The following RBM19 variants were observed in gnomAD, a reference collection of about 807,000 sequenced individuals.
RBM19 encodes probable RNA-binding protein 19.
In RBM19, 94 loss-of-function variants were observed where a neutral mutation model predicts 116.8. The ratio of observed to expected loss-of-function variants is 0.80; its 90% CI spans 0.68 to 0.95. The LOEUF is 0.95. RBM19 is among the 40% of genes least tolerant of loss of function. The pLI is 0.00. For missense variants in RBM19, 1,161 were observed against 1,220.7 expected (o/e 0.95, Z 0.73); for synonymous variants, 475 against 494.1 (o/e 0.96, Z 0.51).
intron 21 of RBM19, among the ~76,000 whole-genome samples, chr12:113,867,880 G>A (rs1311034824): frequency 6.6e-6 from 1 of 152,150 alleles, no homozygotes; most frequent in African/African-American, 2.4e-5. Context: ...AGAGAGCCGA[G>A]ATTGCACCAC....
chr12:113,928,846 A>T (rs1869359389), intron 16 of RBM19, among the ~76,000 whole-genome samples: 1 of 152,106 alleles, frequency 6.6e-6, no homozygotes, highest in South Asian at 2.1e-4. Flanking sequence ...AATTTCCCTA[A>T]GTCACATGAT....
At chr12:113,962,435 T>A in intron 1 of RBM19, 21 bp from the exon 2 acceptor site, 1 of 1,605,350 alleles carries the variant, frequency 6.2e-7, no homozygotes, top group Non-Finnish European at 8.5e-7. Flanking sequence ...GGGAAAGGAA[T>A]GAGAGACGAA....
rs543919031 is a variant in RBM19, at chr12:113,926,176, G to A, written c.2244+878C>T. On this transcript the variant is annotated intron_variant, in intron 17 of 23. Coordinates refer to ENST00000261741, the MANE Select transcript of RBM19 (RefSeq NM_016196.4). The stretch of plus-strand genomic sequence containing the variant: ...GCCTCTCTACCACATCCCAATGTTT[G>A]CCTCCATATCTTCTGCCCACCATAT... Among the ~76,000 whole-genome samples the A allele has an allele frequency of 2.4e-3, 370 of 152,210 alleles. 4 individuals carry two copies. The highest frequency in any genetic ancestry group is 0.02 in the Middle Eastern group (6 of 294).
At chr12:113,868,490 G>T (rs1358337252) in intron 21 of RBM19, among the ~76,000 whole-genome samples, 2 of 152,216 alleles carry the variant, frequency 1.3e-5, no homozygotes, top group Non-Finnish European at 2.9e-5. Flanking sequence ...TCTGGGATTT[G>T]GTAAGTTTGG....
At chr12:113,946,573 C>T in intron 11 of RBM19, 98 bp from the exon 12 acceptor site, 1 of 1,530,878 alleles carries the variant, frequency 6.5e-7, no homozygotes, top group South Asian at 1.2e-5. Flanking sequence ...TAAGCTGGAC[C>T]CAGCACTGAA....
chr12:113,955,103 C>G (rs1199603560), intron 7 of RBM19, 28 bp downstream of exon 7: 2 of 1,610,906 alleles, frequency 1.2e-6, no homozygotes, highest in South Asian at 2.2e-5. Flanking sequence ...CCGCAGGCTG[C>G]CGACCCTTGT....
At position 113,952,610 on chromosome 12, in the gene RBM19, T is replaced by C. The variant is rs1409274297; in HGVS notation, c.922-20A>G. ...ATTTTTCTGTGAGAAGAAGTTTTTT[T>C]CCCCTTACCAACCACATAATAAAAG... is the stretch of plus-strand genomic sequence containing the variant. On this transcript the variant is annotated intron_variant, in intron 7 of 23. Transcript: ENST00000261741. 6.2e-7 allele frequency: 1 copy of C among 1,600,250 alleles called. No homozygotes were observed. Among genetic ancestry groups the C allele is most frequent in the African/African-American group, 1.3e-5 (1 of 74,724 alleles).
At chr12:113,820,318 T>A (rs1289286517), downstream of RBM19, among the ~76,000 whole-genome samples, 1 of 150,988 alleles carries the variant, frequency 6.6e-6, no homozygotes, top group Non-Finnish European at 1.5e-5. Context: ...AAGCCCAAGC[T>A]TGGGTTGGAC....
chr12:113,920,766 C>T (rs1334443630), intron 18 of RBM19, 76 bp from the exon 19 acceptor site: 2 of 1,302,800 alleles, frequency 1.5e-6, no homozygotes, highest in Non-Finnish European at 2.2e-6. Flanking sequence ...TGTGACGGGC[C>T]CCCAGACCTG....
rs756336797 is a variant in RBM19 at position 113,939,992 on chromosome 12, G to A, written c.1906C>T (p.Arg636Cys). 14 of 1,614,066 alleles carry A rather than the reference G, an allele frequency of 8.7e-6. No individual in the cohort carries two copies. The highest frequency in any genetic ancestry group is 1.1e-5 in the Non-Finnish European group (13 of 1,180,004). Reference protein sequence around the residue: ...IVEFLEPLEARKAFRHLAYSK... With the variant: ...IVEFLEPLEACKAFRHLAYSK... ...TAGGCCAGATGCCTGAAGGCCTTGC[G>A]GGCCTCCAGGGGCTCCAGGAACTCC... Residue 636 changes from arginine to cysteine, a missense_variant, in exon 15 of 24, where the codon CGC becomes TGC. Transcript: ENST00000261741.
At chr12:113,943,419 C>T (rs189906090) in intron 13 of RBM19, among the ~76,000 whole-genome samples, 2 of 152,214 alleles carry the variant, frequency 1.3e-5, no homozygotes, top group African/African-American at 4.8e-5. Context: ...AAATGCAACG[C>T]GACACATCCA....
At chr12:113,962,595 T>C (rs1872598153) in intron 1 of RBM19, among the ~76,000 whole-genome samples, 181 bp from the exon 2 acceptor site, 1 of 152,200 alleles carries the variant, frequency 6.6e-6, no homozygotes, top group Non-Finnish European at 1.5e-5. Flanking sequence ...TTGTGTGGCC[T>C]TGAGAAAGTC....
At chr12:113,853,864 G>A (rs1291460667) in intron 22 of RBM19, among the ~76,000 whole-genome samples, 1 of 152,106 alleles carries the variant, frequency 6.6e-6, no homozygotes, top group African/African-American at 2.4e-5. Context: ...ATTTCATTCT[G>A]GACTTGTTCC....
At chr12:113,828,533 C>T (rs12318832) in intron 23 of RBM19, among the ~76,000 whole-genome samples, 1 of 150,304 alleles carries the variant, frequency 6.7e-6, no homozygotes, top group African/African-American at 2.5e-5. Flanking sequence ...CACAGGTGGG[C>T]GAGGGGAGGA....
chr12:113,872,504 C>A, intron 21 of RBM19, among the ~76,000 whole-genome samples: 1 of 135,858 alleles, frequency 7.4e-6, no homozygotes, highest in African/African-American at 2.6e-5. Context: ...GCCAGCCGCC[C>A]CATCCGGGAG....
downstream of RBM19, among the ~76,000 whole-genome samples, chr12:113,818,813 T>C (rs1037807509): frequency 9.2e-5 from 14 of 152,262 alleles, no homozygotes; most frequent in South Asian, 4.2e-4. Flanking sequence ...CTCTCACTCC[T>C]GTCCCTCCTC....
At position 113,960,144 on chromosome 12, in the gene RBM19, T is replaced by C; in HGVS notation, c.254A>G (p.Lys85Arg). 6.2e-7 allele frequency: 1 copy of C among 1,613,986 alleles called. No homozygotes were observed. Among genetic ancestry groups the C allele is most frequent in the Non-Finnish European group, 8.5e-7 (1 of 1,180,002 alleles). Residue 85 changes from lysine (K) to arginine (R), a missense_variant, in exon 3 of 24, where the codon AAA becomes AGA. Coordinates refer to ENST00000261741, the MANE Select transcript of RBM19 (RefSeq NM_016196.4). ...GGCATGTTTGCTCCAGGCTCTGGGTTTGGCCGGGTCCCCGAATGACTTGCA... is the reference window on the plus strand; with the variant it reads ...GGCATGTTTGCTCCAGGCTCTGGGTCTGGCCGGGTCCCCGAATGACTTGCA... ...EFCKSFGDPAKPRAWSKHAQK... is the reference protein window; with the variant it reads ...EFCKSFGDPARPRAWSKHAQK...
At chr12:113,852,277 C>T (rs945837988) in intron 22 of RBM19, among the ~76,000 whole-genome samples, 6 of 152,242 alleles carry the variant, frequency 3.9e-5, no homozygotes, top group African/African-American at 9.6e-5. Context: ...GGCACTGAGT[C>T]TTGGCCACAA....
At chr12:113,909,903 T>A (rs1361498019) in intron 21 of RBM19, among the ~76,000 whole-genome samples, 1 of 152,220 alleles carries the variant, frequency 6.6e-6, no homozygotes, top group African/African-American at 2.4e-5. Context: ...ACTCATCTTT[T>A]ATCACCCAGC....
Sources: gnomAD v4.1 joint callset for allele counts (sites outside exome capture counted in the v4.1 genomes callset) on GRCh38, gnomAD v4.1.1 for gene constraint, MANE v1.5 for transcripts, NCBI Gene and HGNC (gene_info 2026-07-23, HGNC 2026-07-21) for gene names.